AREL1: variants seen among roughly 807,000 people sequenced by gnomAD.
AREL1 encodes apoptosis-resistant E3 ubiquitin protein ligase 1.
AREL1 carries 62 observed loss-of-function variants against 99.0 expected under a neutral mutation model. That is an observed-to-expected ratio of 0.63 (90% CI 0.51 to 0.77). The LOEUF (loss-of-function observed/expected upper bound fraction) is 0.77. AREL1 is among the 30% of genes least tolerant of loss of function. The probability of loss-of-function intolerance (pLI) is 0.00; values close to 1 mark genes in which losing one functional copy is unlikely to be tolerated. For missense variants in AREL1, 879 were observed against 1,027.6 expected (o/e 0.86, Z 1.98); for synonymous variants, 380 against 376.5 (o/e 1.01, Z -0.11).
chr14:74,697,763 CT>C (rs2090004162), intron 1 of AREL1, among the ~76,000 whole-genome samples: 2 of 152,174 alleles, frequency 1.3e-5, no homozygotes, highest in Admixed American at 6.5e-5. Context: ...CAGGGACAGC[CT>C]CATTAGTCAG....
At chr14:74,664,284 G>A (rs979471381) in intron 18 of AREL1, among the ~76,000 whole-genome samples, 1 of 151,964 alleles carries the variant, frequency 6.6e-6, no homozygotes, top group Non-Finnish European at 1.5e-5. Flanking sequence ...CTCTTTCTTC[G>A]CCATCTCCAA....
chr14:74,684,707 C>T (rs781754610), intron 3 of AREL1, 27 bp from the exon 4 acceptor site: 5 of 1,600,296 alleles, frequency 3.1e-6, no homozygotes, highest in Non-Finnish European at 3.4e-6. Context: ...ACACACAAAC[C>T]GCCTGCCAGT....
chr14:74,708,922 T>C (rs1321311343), intron 1 of AREL1, among the ~76,000 whole-genome samples: 2 of 152,222 alleles, frequency 1.3e-5, no homozygotes, highest in African/African-American at 4.8e-5. Context: ...AAAACATCAC[T>C]ATGGTGCTGT....
chr14:74,695,427 G>C (rs2089965649), intron 1 of AREL1, among the ~76,000 whole-genome samples: 1 of 152,026 alleles, frequency 6.6e-6, no homozygotes, highest in Non-Finnish European at 1.5e-5. Flanking sequence ...TTCCAACCCT[G>C]TGATCAGCTA....
At chr14:74,703,908 G>A (rs1199187480) in intron 1 of AREL1, among the ~76,000 whole-genome samples, 1 of 152,152 alleles carries the variant, frequency 6.6e-6, no homozygotes, top group Non-Finnish European at 1.5e-5. Context: ...ACAAGAAACT[G>A]CCAAACCGTT....
intron 17 of AREL1, among the ~76,000 whole-genome samples, chr14:74,666,574 G>A (rs544785503): frequency 1.4e-3 from 218 of 152,244 alleles, no homozygotes; most frequent in African/African-American, 4.1e-3. Flanking sequence ...CATGAGGGCT[G>A]GAACTTTGTC....
chr14:74,672,877 T>TGTG lies in AREL1; in HGVS notation c.1373_1375dup (p.Pro458dup). The stretch of plus-strand genomic sequence containing the variant: ...GCTGACCTTCAGGGTGACTTTGGAA[T>TGTG]GTGGTCTTTTCATATGTACCTGCCG... On this transcript the variant is annotated inframe_insertion, in exon 11 of 20. Transcript: ENST00000356357. 1 of 1,614,258 alleles carries TGTG rather than the reference T, an allele frequency of 6.2e-7. No homozygotes were observed. Among genetic ancestry groups the TGTG allele is most frequent in the Non-Finnish European group, 8.5e-7 (1 of 1,180,036 alleles).
At chr14:74,690,402 T>A (rs2089852012) in intron 2 of AREL1, among the ~76,000 whole-genome samples, 1 of 152,148 alleles carries the variant, frequency 6.6e-6, no homozygotes. Context: ...CCAGATGGGA[T>A]CTTCCTTGTA....
In AREL1 at chr14:74,672,908, C is replaced by G. The variant is rs780885128; in HGVS notation, c.1345G>C (p.Glu449Gln). The G allele has an allele frequency of 6.2e-7, 1 of 1,614,166 alleles. No homozygotes were observed. The highest frequency in any genetic ancestry group is 1.1e-5 in the South Asian group (1 of 91,080). ...CTTTTCATATGTACCTGCCGAAGCT[C>G]TCGCTGGAAAAAGTTCACCTTGTCC... is the stretch of plus-strand genomic sequence containing the variant. ...FQDKVNFFQR[E>Q]LRQVHMKRPH... Residue 449 changes from glutamate (E) to glutamine (Q), a missense_variant, in exon 11 of 20, where the codon GAG (glutamate) becomes CAG (glutamine). Transcript: ENST00000356357.
In AREL1 at chr14:74,692,136, C is replaced by T; in HGVS notation, c.-141G>A. The T allele has an allele frequency of 2.2e-6, 1 of 445,182 alleles. No homozygotes were observed. The highest frequency in any genetic ancestry group is 1.6e-5 in the South Asian group (1 of 62,316). The allele number at this position is 445,182 out of a possible 1,614,324, so 27.6% of individuals were successfully genotyped here. On this transcript the variant is annotated 5_prime_UTR_variant, in exon 2 of 20. The change creates a premature stop within an existing upstream ORF in the 5' untranslated region. Coordinates refer to ENST00000356357, the MANE Select transcript of AREL1 (RefSeq NM_001039479.2). ...CCCCTTTCACCTTGTCTTCCAACTTCCACATGAAAGAAAAACGCCACAAGG... is the reference window on the plus strand; with the variant it reads ...CCCCTTTCACCTTGTCTTCCAACTTTCACATGAAAGAAAAACGCCACAAGG...
At chr14:74,695,334 C>G (rs1178395879) in intron 1 of AREL1, among the ~76,000 whole-genome samples, 1 of 152,218 alleles carries the variant, frequency 6.6e-6, no homozygotes, top group East Asian at 1.9e-4. Flanking sequence ...CCCGCCTCAG[C>G]TTCCCAAAGT....
intron 2 of AREL1, among the ~76,000 whole-genome samples, chr14:74,691,496 T>C (rs956983694): frequency 6.6e-6 from 1 of 152,196 alleles, no homozygotes; most frequent in Non-Finnish European, 1.5e-5. Context: ...TATCCAATCT[T>C]ACTGTGAGGA....
chr14:74,689,703 T>A (rs1386539081), intron 2 of AREL1, among the ~76,000 whole-genome samples: 3 of 150,812 alleles, frequency 2.0e-5, no homozygotes, highest in African/African-American at 7.3e-5. Flanking sequence ...TTCAAGCGAT[T>A]CTCCTGCCTC....
chr14:74,712,067 A>T (rs1302275471), intron 1 of AREL1: 1 of 51,482 alleles, frequency 1.9e-5, no homozygotes. Flanking sequence ...AAAAAAAAAA[A>T]GAAAAAAAAA....
At position 74,683,403 on chromosome 14, in the gene AREL1, A is replaced by G. The variant is rs924471043; in HGVS notation, c.374T>C (p.Val125Ala). The G allele has an allele frequency of 1.2e-6, 2 of 1,614,112 alleles. No homozygotes were observed. The highest frequency in any genetic ancestry group is 1.7e-5 in the Admixed American group (1 of 60,012). Residue 125 changes from valine (V) to alanine (A), a missense_variant, in exon 5 of 20, where the codon GTA becomes GCA. Coordinates refer to ENST00000356357, the MANE Select transcript of AREL1 (RefSeq NM_001039479.2). ...GCGCACAGTGAAGGCCACTTTTACT[A>G]CGTTGGAATTGGGCTCCTGAAGGAC... ...QEVLQEPNSN[V>A]VKVAFTVRKA... is the part of the protein sequence containing the mutation.
intron 6 of AREL1, 23 bp from the exon 7 acceptor site, chr14:74,676,344 C>T: frequency 1.9e-6 from 3 of 1,610,636 alleles, no homozygotes; most frequent in Non-Finnish European, 1.7e-6. Context: ...AACAGAGCAT[C>T]ACTTAACATA....
intron 1 of AREL1, among the ~76,000 whole-genome samples, chr14:74,711,269 G>C (rs1391976272): frequency 6.8e-6 from 1 of 147,932 alleles, no homozygotes; most frequent in African/African-American, 2.5e-5. Flanking sequence ...GCTTGGCACA[G>C]TGGCTCACGT....
rs2090314741 is a variant in AREL1 at position 74,712,062 on chromosome 14, AAAAAAGAAAAAAAAAG to A, written c.-334+855_-334+870del. On this transcript the variant is annotated intron_variant, in intron 1 of 19. Transcript: ENST00000356357. Reference sequence around the variant, plus strand: ...GCAAAAAAAAAAAAAAAAAAAAAAAAAAAAAGAAAAAAAAAGAAAGAAAGAAAGAAAGAAAAAGAAA... The same window carrying A: ...GCAAAAAAAAAAAAAAAAAAAAAAAAAAAGAAAGAAAGAAAGAAAAAGAAA... The A allele has an allele frequency of 7.2e-4, 35 of 48,316 alleles. 1 individual carries two copies. Among genetic ancestry groups the A allele is most frequent in the African/African-American group, 2.8e-3 (34 of 11,986 alleles). 3.0% of individuals were successfully genotyped at this position (48,316 alleles called of 1,614,324 possible).
intron 1 of AREL1, among the ~76,000 whole-genome samples, chr14:74,698,523 G>A (rs1358216214): frequency 3.9e-5 from 6 of 152,114 alleles, no homozygotes; most frequent in Admixed American, 1.3e-4. Flanking sequence ...GCTATATACT[G>A]GGCTACGTGA....
Sources: allele counts gnomAD v4.1 joint callset (sites outside exome capture counted in the v4.1 genomes callset), GRCh38; gene constraint gnomAD v4.1.1; transcripts MANE v1.5; gene names NCBI Gene and HGNC (gene_info 2026-07-23, HGNC 2026-07-21).